PCDH11X: variants seen among roughly 807,000 people sequenced by gnomAD.
PCDH11X encodes protocadherin 11 X-linked.
In PCDH11X, 18 loss-of-function variants were observed where a neutral mutation model predicts 53.3. The ratio of observed to expected loss-of-function variants is 0.34; its 90% confidence interval spans 0.23 to 0.50. The LOEUF (loss-of-function observed/expected upper bound fraction) is 0.50. PCDH11X is among the 20% of genes least tolerant of loss of function. The pLI, the probability that PCDH11X is intolerant of heterozygous loss-of-function variation, is 0.98. For missense variants in PCDH11X, 570 were observed against 1,032.4 expected, an observed-to-expected ratio of 0.55 and a Z score of 6.14; for synonymous variants, 279 against 393.3, an observed-to-expected ratio of 0.71 and a Z score of 3.44.
intron 9 of PCDH11X, among the ~76,000 whole-genome samples, chrX:92,399,386 C>T (rs1319093646): frequency 1.8e-5 from 2 of 109,786 alleles, no homozygotes; most frequent in African/African-American, 6.7e-5. Flanking sequence ...CTTTGGGTAG[C>T]AAAGTTCTAA....
intron 9 of PCDH11X, among the ~76,000 whole-genome samples, chrX:92,457,852 A>G (rs952886398): frequency 1.9e-5 from 2 of 105,991 alleles, no homozygotes; most frequent in African/African-American, 6.8e-5. Flanking sequence ...ATTTTTCTTT[A>G]TGGATTTTAA....
At position 92,276,709 on chromosome X, in the gene PCDH11X, C is replaced by G. The variant is rs767307369; in HGVS notation, c.3144+13566C>G. Among the ~76,000 whole-genome samples, 661 of 111,520 alleles carry G rather than the reference C, an allele frequency of 5.9e-3. 3 individuals carry two copies. The highest frequency in any genetic ancestry group is 0.019 in the African/African-American group (596 of 30,742). ...AATCAAGTCCTGTTGTGGGGTTTGA[C>G]GGCCAGATTCTAATTTTTGGAGTTT... On this transcript the variant is annotated intron_variant, in intron 8 of 10. Transcript: ENST00000682573.
chrX:92,210,536 G>GC (rs1219942179), intron 7 of PCDH11X, among the ~76,000 whole-genome samples: 1 of 110,138 alleles, frequency 9.1e-6, no homozygotes, highest in Non-Finnish European at 1.9e-5. Flanking sequence ...ACTGTGCCCG[G>GC]CCCCCGAAAA....
At chrX:92,328,080 A>G (rs2069379150) in intron 8 of PCDH11X, among the ~76,000 whole-genome samples, 2 of 110,498 alleles carry the variant, frequency 1.8e-5, no homozygotes, top group South Asian at 3.9e-4. Flanking sequence ...GTATGAAACA[A>G]TGGTTCTCAA....
Position 92,618,322 on chromosome X carries a change from A to G in PCDH11X, c.3426A>G (p.Glu1142=), listed in dbSNP as rs575740270. Residue 1142 remains glutamate (E), a synonymous_variant, in exon 11 of 11, where the codon GAA becomes GAG. Coordinates refer to ENST00000682573, the MANE Select transcript of PCDH11X (RefSeq NM_032968.5). The part of the protein sequence containing the change: ...VEEASDNCTQ[E]CLIYGHSDAC... ...AGGCCTCTGACAACTGCACTCAAGA[A>G]TGTCTCATCTATGGCCATTCTGATG... 2.9e-4 allele frequency: 346 copies of G among 1,209,413 alleles called. 2 individuals carry two copies. In the South Asian group the frequency reaches 5.8e-3, roughly 20 times the overall value.
At position 92,620,084 on chromosome X, in the gene PCDH11X, G is replaced by T. The variant is rs1460706526; in HGVS notation, c.*1144G>T. On this transcript the variant is annotated 3_prime_UTR_variant, in exon 11 of 11. Transcript: ENST00000682573. ...CCACTAATAACAACAAGAATATCAG[G>T]AAGGAACTTTTCAAGAAATGTAATT... The T allele has an allele frequency of 1.8e-5, 2 of 109,809 alleles. No individual in the cohort carries two copies. The highest frequency in any genetic ancestry group is 3.8e-5 in the Non-Finnish European group (2 of 52,566). 9.0% of individuals were successfully genotyped at this position (109,809 alleles called of 1,213,427 possible). A position where few individuals can be genotyped will look rare whatever the true frequency, so the allele number is the denominator to read the frequency against.
chrX:92,263,027 T>A lies in PCDH11X; in HGVS notation c.3115-87T>A, dbSNP rs1396644205. 7 of 1,038,463 alleles carry A rather than the reference T, an allele frequency of 6.7e-6. No homozygotes were observed. In the African/African-American group the frequency reaches 1.0e-4, roughly 15 times the overall value. 85.6% of individuals were successfully genotyped at this position (1,038,463 alleles called of 1,213,427 possible). A position where few individuals can be genotyped will look rare whatever the true frequency, so the allele number is the denominator to read the frequency against. ...GCTTTTTTTTCAAAAAAAAAAAAAA[T>A]GTATTTGCAGTAACCAAATTTGAGC... is the stretch of plus-strand genomic sequence containing the variant. On this transcript the variant is annotated intron_variant, in intron 7 of 10. Transcript: ENST00000682573.
At chrX:92,087,923 T>C (rs1016371531) in intron 6 of PCDH11X, among the ~76,000 whole-genome samples, 40 of 106,715 alleles carry the variant, frequency 3.7e-4, no homozygotes, top group South Asian at 7.8e-4. Context: ...TTATATAAGA[T>C]ATATTGCTTA....
intron 10 of PCDH11X, among the ~76,000 whole-genome samples, chrX:92,554,665 A>C (rs1305430131): frequency 1.2e-4 from 13 of 109,110 alleles, no homozygotes; most frequent in African/African-American, 4.0e-4. Context: ...CTTTGCTCTG[A>C]ATTTTTTATT....
At chrX:92,586,223 T>TA (rs1924368255) in intron 10 of PCDH11X, among the ~76,000 whole-genome samples, 2 of 100,391 alleles carry the variant, frequency 2.0e-5, no homozygotes, top group Admixed American at 1.1e-4. Flanking sequence ...GGCAGCATTT[T>TA]AAAAAACAAA....
chrX:91,964,635 T>TCAAATAGA (rs2061839790), intron 6 of PCDH11X, among the ~76,000 whole-genome samples: 1 of 112,550 alleles, frequency 8.9e-6, no homozygotes, highest in Non-Finnish European at 1.9e-5. Context: ...ATAATACTTT[T>TCAAATAGA]ACATTATCTT....
At chrX:92,206,779 G>A (rs971856707) in intron 7 of PCDH11X, among the ~76,000 whole-genome samples, 2 of 110,611 alleles carry the variant, frequency 1.8e-5, no homozygotes, top group African/African-American at 3.3e-5. Context: ...CATCTGCCTC[G>A]GCCTCCTAAA....
At chrX:92,022,893 T>A (rs1237124572) in intron 6 of PCDH11X, among the ~76,000 whole-genome samples, 1 of 109,526 alleles carries the variant, frequency 9.1e-6, no homozygotes, top group Non-Finnish European at 1.9e-5. Context: ...ACATGAAAAC[T>A]GAACAAACTG....
At chrX:92,328,866 T>A (rs1366689675) in intron 8 of PCDH11X, among the ~76,000 whole-genome samples, 1 of 110,064 alleles carries the variant, frequency 9.1e-6, no homozygotes, top group Non-Finnish European at 1.9e-5. Context: ...AAGGACTAAA[T>A]AACACCAATT....
intron 9 of PCDH11X, among the ~76,000 whole-genome samples, chrX:92,450,220 G>T (rs1374959498): frequency 1.8e-5 from 2 of 110,173 alleles, no homozygotes; most frequent in East Asian, 5.7e-4. Flanking sequence ...AGAACATCAA[G>T]ATTTTATTGG....
At chrX:92,581,099 T>A (rs1301295145) in intron 10 of PCDH11X, among the ~76,000 whole-genome samples, 7 of 111,754 alleles carry the variant, frequency 6.3e-5, no homozygotes, top group African/African-American at 2.3e-4. Flanking sequence ...TTTTAACATG[T>A]TTCATTTTGC....
intron 1 of PCDH11X, among the ~76,000 whole-genome samples, chrX:91,793,397 T>C (rs1935626061): frequency 1.8e-5 from 2 of 110,673 alleles, no homozygotes; most frequent in African/African-American, 6.6e-5. Flanking sequence ...AGTTTTAAAT[T>C]TGTACTACAA....
intron 6 of PCDH11X, among the ~76,000 whole-genome samples, chrX:92,109,557 G>T (rs1185051039): frequency 9.0e-6 from 1 of 111,199 alleles, no homozygotes; most frequent in African/African-American, 3.3e-5. Flanking sequence ...TCCATCAAGT[G>T]CAGGGTTTGC....
chrX:91,931,636 A>G (rs2061385745), intron 6 of PCDH11X, among the ~76,000 whole-genome samples: 1 of 109,957 alleles, frequency 9.1e-6, no homozygotes, highest in African/African-American at 3.3e-5. Context: ...TCTAGATAAA[A>G]AGAAACACAG....
Sources: allele counts gnomAD v4.1 joint callset (sites outside exome capture counted in the v4.1 genomes callset), GRCh38; gene constraint gnomAD v4.1.1; transcripts MANE v1.5; gene names NCBI Gene and HGNC (gene_info 2026-07-23, HGNC 2026-07-21).